The following SFTPD variants were observed in gnomAD, a reference collection of about 807,000 sequenced individuals.
The protein encoded by SFTPD is pulmonary surfactant-associated protein D.
A neutral mutation model predicts 34.6 loss-of-function variants in SFTPD; 18 were observed. That is an observed-to-expected ratio of 0.52 (90% confidence interval 0.36 to 0.77). SFTPD has a LOEUF of 0.77. SFTPD is among the 30% of genes least tolerant of loss of function. The pLI is 0.00. For missense variants in SFTPD, 433 were observed against 468.9 expected (o/e 0.92, Z 0.71); for synonymous variants, 155 against 180.9 (o/e 0.86, Z 1.15).
Position 79,938,074 on chromosome 10 carries a change from C to T in SFTPD, c.906G>A (p.Gln302=). 1.4e-5 allele frequency: 23 copies of T among 1,614,184 alleles called. No homozygotes were observed. Among genetic ancestry groups the T allele is most frequent in the Non-Finnish European group, 1.9e-5 (23 of 1,180,020 alleles). Residue 302 remains glutamine, a synonymous_variant, in exon 8 of 8, where the codon CAG becomes CAA. Coordinates refer to ENST00000372292, the MANE Select transcript of SFTPD (RefSeq NM_003019.5). ...RSAAENAALQ[Q]LVVAKNEAAF... ...CAGCCTCGTTCTTAGCTACGACCAG[C>T]TGTTGCAAGGCGGCATTCTCAGCGG...
Position 79,941,960 on chromosome 10 carries a change from C to G in SFTPD, c.544G>C (p.Ala182Pro), listed in dbSNP as rs752059505. 1.7e-5 allele frequency: 28 copies of G among 1,603,452 alleles called. No homozygotes were observed. The highest frequency in any genetic ancestry group is 2.3e-5 in the Non-Finnish European group (27 of 1,170,716). ...AGCTCTTTCCACTGCTCACCTGCTG[C>G]CCCTGTGTTTCCAGGGACTCCACGC... The part of the protein sequence containing the change: ...GERGVPGNTG[A>P]AGSAGAMGPQ... The change falls in exon 5 of 8, where the codon GCA (alanine) becomes CCA (proline). Residue 182 changes from alanine to proline, a missense_variant. Transcript: ENST00000372292.
At chr10:79,961,378 A>C (rs1439797217) in intron 1 of SFTPD, among the ~76,000 whole-genome samples, 5 of 152,086 alleles carry the variant, frequency 3.3e-5, no homozygotes, top group Admixed American at 3.3e-4. Flanking sequence ...AATGGGACAA[A>C]ATTTTTGCAA....
chr10:79,947,928 G>A (rs764939386), intron 1 of SFTPD, among the ~76,000 whole-genome samples: 2 of 152,186 alleles, frequency 1.3e-5, no homozygotes, highest in African/African-American at 2.4e-5. Context: ...GATCAGATTC[G>A]CAGAGGCTAG....
chr10:79,956,899 C>T (rs1842743117), intron 1 of SFTPD, among the ~76,000 whole-genome samples: 1 of 152,176 alleles, frequency 6.6e-6, no homozygotes, highest in Admixed American at 6.5e-5. Flanking sequence ...GGAGGCACCC[C>T]CCAGTAGGGA....
chr10:79,958,596 A>G lies in SFTPD; in HGVS notation c.37-11934T>C, dbSNP rs569060321. On this transcript the variant is annotated intron_variant, in intron 1 of 5. Coordinates refer to the SFTPD transcript ENST00000444384. The stretch of plus-strand genomic sequence containing the variant: ...ATCAATTCAACAAGAAGAGCTAACT[A>G]TCCTAAATATATACGCACCCAATAC... Among the ~76,000 whole-genome samples the G allele has an allele frequency of 6.6e-5, 10 of 152,348 alleles. No individual in the cohort carries two copies. The South Asian group carries it at 1.7e-3, about 25-fold the overall frequency.
chr10:79,941,613 C>T, intron 5 of SFTPD, 99 bp from the exon 6 acceptor site: 1 of 900,282 alleles, frequency 1.1e-6, no homozygotes, highest in Non-Finnish European at 1.7e-6. Context: ...ATCCTTATTG[C>T]CCAGAAATAG....
At chr10:79,955,861 C>T (rs1343163455) in intron 1 of SFTPD, among the ~76,000 whole-genome samples, 1 of 152,214 alleles carries the variant, frequency 6.6e-6, no homozygotes, top group East Asian at 1.9e-4. Context: ...AGAAACATCT[C>T]TACTGCATCC....
chr10:79,962,276 C>T (rs1212625556), intron 1 of SFTPD, among the ~76,000 whole-genome samples: 1 of 149,564 alleles, frequency 6.7e-6, no homozygotes, highest in Admixed American at 6.8e-5. Context: ...GCACATGTAC[C>T]CTAAAACTTA....
intron 1 of SFTPD, among the ~76,000 whole-genome samples, chr10:79,965,225 T>C (rs1000082417): frequency 2.0e-5 from 3 of 152,164 alleles, no homozygotes; most frequent in Non-Finnish European, 4.4e-5. Context: ...TCCTCCCAAT[T>C]CTTAGTCCTT....
chr10:79,975,677 C>G (rs1171249733), intron 1 of SFTPD, among the ~76,000 whole-genome samples: 3 of 152,194 alleles, frequency 2.0e-5, no homozygotes, highest in Non-Finnish European at 4.4e-5. Context: ...TCAGGGGTCT[C>G]ACAGCCTTCA....
chr10:79,961,036 G>A (rs538331679), intron 1 of SFTPD, among the ~76,000 whole-genome samples: 10 of 152,324 alleles, frequency 6.6e-5, no homozygotes, highest in Admixed American at 1.3e-4. Context: ...ACAAAAACAA[G>A]CAATGGGGAA....
At chr10:79,940,240 C>A (rs1188747722) in intron 7 of SFTPD, among the ~76,000 whole-genome samples, 1 of 152,174 alleles carries the variant, frequency 6.6e-6, no homozygotes, top group Non-Finnish European at 1.5e-5. Context: ...AAATGCAGCC[C>A]GTGTTGGGTA....
chr10:79,941,480 T>G lies in SFTPD; in HGVS notation c.585A>C (p.Pro195=). Residue 195 remains proline, a synonymous_variant, in exon 6 of 8, where the codon CCA becomes CCC. Coordinates refer to ENST00000372292, the MANE Select transcript of SFTPD (RefSeq NM_003019.5). The part of the protein sequence containing the change: ...SAGAMGPQGS[P]GARGPPGLKG... ...TCAATCCCGGGGGTCCCCTGGCACC[T>G]GGACTTCCCTGGGGACCCATGGCTC... The G allele has an allele frequency of 6.2e-7, 1 of 1,612,356 alleles. No individual in the cohort carries two copies. The highest frequency in any genetic ancestry group is 8.5e-7 in the Non-Finnish European group (1 of 1,179,086).
chr10:79,947,455 C>T (rs577392918), intron 1 of SFTPD, among the ~76,000 whole-genome samples: 3 of 152,204 alleles, frequency 2.0e-5, no homozygotes, highest in South Asian at 2.1e-4. Flanking sequence ...TTTGGGAGGC[C>T]GAGGCGGGCA....
At chr10:79,942,189 C>T in intron 4 of SFTPD, 119 bp from the exon 5 acceptor site, 2 of 798,606 alleles carry the variant, frequency 2.5e-6, no homozygotes, top group Non-Finnish European at 4.1e-6. Context: ...TGGGGAGACT[C>T]TCCTTGCTTT....
At chr10:79,947,239 C>T (rs982393627) in intron 1 of SFTPD, among the ~76,000 whole-genome samples, 1 of 152,226 alleles carries the variant, frequency 6.6e-6, no homozygotes, top group Non-Finnish European at 1.5e-5. Flanking sequence ...GTGTGGTGCA[C>T]ATTTGCCTGG....
At chr10:79,964,196 C>A (rs1401475715) in intron 1 of SFTPD, among the ~76,000 whole-genome samples, 1 of 152,196 alleles carries the variant, frequency 6.6e-6, no homozygotes, top group Non-Finnish European at 1.5e-5. Flanking sequence ...AATATGCCTT[C>A]CATATCCTGC....
chr10:79,946,455 C>T lies in SFTPD; in HGVS notation c.199+6G>A. ...CCAGCAGGATAAGCCCAGGGCCCCA[C>T]CCTACCTGGGTCCCCCTTCTCGCCC... On this transcript the variant is annotated splice_donor_region_variant and intron_variant, in intron 2 of 7. Coordinates refer to ENST00000372292, the MANE Select transcript of SFTPD (RefSeq NM_003019.5). The T allele has an allele frequency of 6.2e-7, 1 of 1,609,872 alleles. No individual in the cohort carries two copies. The highest frequency in any genetic ancestry group is 8.5e-7 in the Non-Finnish European group (1 of 1,176,398).
At chr10:79,942,094 A>C in intron 4 of SFTPD, 24 bp from the exon 5 acceptor site, 1 of 1,542,940 alleles carries the variant, frequency 6.5e-7, no homozygotes, top group Non-Finnish European at 8.9e-7. Context: ...ACACAGGAAC[A>C]AACACAGCTA....
Sources: gnomAD v4.1 joint callset for allele counts (sites outside exome capture counted in the v4.1 genomes callset) on GRCh38, gnomAD v4.1.1 for gene constraint, MANE v1.5 for transcripts, NCBI Gene and HGNC (gene_info 2026-07-23, HGNC 2026-07-21) for gene names.